The following MEF2C variants were observed in gnomAD, a reference collection of about 807,000 sequenced individuals.
The protein encoded by MEF2C is myocyte enhancer factor 2C.
Under a neutral mutation model 50.5 loss-of-function variants are expected in MEF2C, and 6 were observed. The ratio of observed to expected loss-of-function variants is 0.12; its 90% confidence interval spans 0.07 to 0.23. MEF2C has a LOEUF of 0.23. MEF2C is among the 10% of genes least tolerant of loss of function. The pLI is 1.00. For synonymous variants in MEF2C, 183 were observed against 228.0 expected (o/e 0.80, Z 1.78); for missense variants, 276 against 605.0 (o/e 0.46, Z 5.70).
intron 1 of MEF2C, among the ~76,000 whole-genome samples, chr5:88,868,880 CT>C (rs1337290006): frequency 1.3e-5 from 2 of 152,064 alleles, no homozygotes; most frequent in African/African-American, 4.8e-5. Flanking sequence ...TATGATTCAT[CT>C]TAAATCTATG....
At chr5:88,820,048 G>A (rs1002954262) in intron 2 of MEF2C, among the ~76,000 whole-genome samples, 1 of 148,774 alleles carries the variant, frequency 6.7e-6, no homozygotes, top group Non-Finnish European at 1.5e-5. Context: ...CCATAAAATG[G>A]GACTTATTAA....
At chr5:88,874,905 T>C (rs1053032429) in intron 1 of MEF2C, among the ~76,000 whole-genome samples, 4 of 151,976 alleles carry the variant, frequency 2.6e-5, no homozygotes, top group African/African-American at 9.7e-5. Context: ...AAGGCTCCCA[T>C]TTAATACATT....
At position 88,827,912 on chromosome 5, in the gene MEF2C, A is replaced by G. The variant is rs545707170; in HGVS notation, c.-142-3982T>C. Among the ~76,000 whole-genome samples, 27 of 127,568 alleles carry G rather than the reference A, an allele frequency of 2.1e-4. No individual in the cohort carries two copies. The East Asian group carries it at 5.5e-3, about 26-fold the overall frequency. 83.7% of individuals were successfully genotyped at this position (127,568 alleles called of 152,430 possible). Reference sequence around the variant, plus strand: ...ATGCTAATCATTTGTTTGCTCCCACATTAAAAAAAAAAAAAAGATATACTG... The same window carrying G: ...ATGCTAATCATTTGTTTGCTCCCACGTTAAAAAAAAAAAAAAGATATACTG... On this transcript the variant is annotated intron_variant, in intron 1 of 10. Transcript: ENST00000504921.
chr5:88,885,778 G>A (rs1412729358), upstream of MEF2C, among the ~76,000 whole-genome samples: 1 of 152,182 alleles, frequency 6.6e-6, no homozygotes, highest in Admixed American at 6.5e-5. Context: ...AATTAATGCA[G>A]TGAGTTACAA....
intron 3 of MEF2C, among the ~76,000 whole-genome samples, chr5:88,777,047 T>C (rs2152828677): frequency 6.6e-6 from 1 of 152,360 alleles, no homozygotes; most frequent in East Asian, 1.9e-4. Flanking sequence ...CATGGAAATG[T>C]ACTGCAAACT....
chr5:88,825,703 T>C, intron 1 of MEF2C: 1 of 829,398 alleles, frequency 1.2e-6, no homozygotes, highest in South Asian at 5.6e-5. Context: ...CTTTCCTGTG[T>C]TTCCTATAGT....
intron 1 of MEF2C, chr5:88,825,546 C>T: frequency 6.1e-6 from 6 of 980,802 alleles, no homozygotes; most frequent in Non-Finnish European, 7.3e-6. Flanking sequence ...ACACATTTGA[C>T]AAATACATAT....
chr5:88,876,787 C>T (rs1831193726), intron 1 of MEF2C, among the ~76,000 whole-genome samples: 1 of 151,890 alleles, frequency 6.6e-6, no homozygotes, highest in South Asian at 2.1e-4. Context: ...ATCGAAGGAC[C>T]ATATCCACTT....
chr5:88,837,224 G>C (rs530123215), intron 1 of MEF2C, among the ~76,000 whole-genome samples: 33 of 152,120 alleles, frequency 2.2e-4, no homozygotes, highest in Middle Eastern at 3.4e-3. Context: ...AAATACTTCA[G>C]ACCAATACTT....
intron 3 of MEF2C, among the ~76,000 whole-genome samples, chr5:88,803,607 A>T (rs1799234524): frequency 6.6e-6 from 1 of 152,200 alleles, no homozygotes; most frequent in Non-Finnish European, 1.5e-5. Context: ...GTAGACAAAT[A>T]GATTAAGAAA....
At chr5:88,861,838 A>T (rs901165108) in intron 1 of MEF2C, among the ~76,000 whole-genome samples, 1 of 152,214 alleles carries the variant, frequency 6.6e-6, no homozygotes, top group African/African-American at 2.4e-5. Context: ...TAATTTACTC[A>T]AGGTGATAAT....
chr5:88,772,237 G>A (rs1782703937), intron 3 of MEF2C: 1 of 152,180 alleles, frequency 6.6e-6, no homozygotes, highest in Non-Finnish European at 1.5e-5. Flanking sequence ...GCAACTGATT[G>A]ACTTATGTCA....
intron 1 of MEF2C, among the ~76,000 whole-genome samples, chr5:88,899,597 T>C (rs368983721): frequency 6.6e-6 from 1 of 152,146 alleles, no homozygotes; most frequent in Non-Finnish European, 1.5e-5. Flanking sequence ...GAACACTCTT[T>C]AACTCTAATG....
intron 1 of MEF2C, chr5:88,824,194 C>T: frequency 2.1e-6 from 2 of 959,830 alleles, no homozygotes; most frequent in Non-Finnish European, 1.2e-6. Context: ...AAGACTAACA[C>T]TTGAAATGTA....
chr5:88,830,502 G>C (rs1177535870), intron 1 of MEF2C, among the ~76,000 whole-genome samples: 2 of 151,946 alleles, frequency 1.3e-5, no homozygotes, highest in African/African-American at 2.4e-5. Context: ...AACTGTGAGG[G>C]AAGCACAGTC....
At chr5:88,855,371 T>C (rs1358080906) in intron 1 of MEF2C, among the ~76,000 whole-genome samples, 8 of 152,234 alleles carry the variant, frequency 5.3e-5, no homozygotes, top group African/African-American at 1.9e-4. Flanking sequence ...AATAAGATGA[T>C]ATACTTCTTT....
intron 1 of MEF2C, among the ~76,000 whole-genome samples, chr5:88,868,631 C>T (rs1238108816): frequency 2.0e-5 from 3 of 152,072 alleles, no homozygotes; most frequent in African/African-American, 4.8e-5. Context: ...CCTCTACCAC[C>T]GGTACTTTAA....
rs1219036420 is a variant in MEF2C at position 88,720,325 on chromosome 5, A to G, written c.*2279T>C. 1 of 134,656 alleles carries G rather than the reference A, an allele frequency of 7.4e-6. No homozygotes were observed. Among genetic ancestry groups the G allele is most frequent in the Non-Finnish European group, 1.6e-5 (1 of 61,824 alleles). 8.3% of individuals were successfully genotyped at this position (134,656 alleles called of 1,614,324 possible). A position where few individuals can be genotyped will look rare whatever the true frequency, so the allele number is the denominator to read the frequency against. On this transcript the variant is annotated 3_prime_UTR_variant, in exon 11 of 11. Transcript: ENST00000504921. ...CCTTGAGTAGTGGGATATATATGAA[A>G]TGGTTGATAGATTTTTTTTTTTTAA...
intron 3 of MEF2C, among the ~76,000 whole-genome samples, chr5:88,803,710 G>A: frequency 6.6e-6 from 1 of 152,154 alleles, no homozygotes; most frequent in South Asian, 2.1e-4. Flanking sequence ...TATTTAAATA[G>A]GATCGATGCT....
Sources: gnomAD v4.1 joint callset for allele counts (sites outside exome capture counted in the v4.1 genomes callset) on GRCh38, gnomAD v4.1.1 for gene constraint, MANE v1.5 for transcripts, NCBI Gene and HGNC (gene_info 2026-07-23, HGNC 2026-07-21) for gene names.